The following CLIC2 variants were observed in gnomAD, a reference collection of about 807,000 sequenced individuals.
The protein encoded by CLIC2 is CLIC family member 2, also known as chloride intracellular channel protein 2.
A neutral mutation model predicts 14.8 loss-of-function variants in CLIC2; 9 were observed. The ratio of observed to expected loss-of-function variants is 0.61; its 90% CI spans 0.37 to 1.06. The LOEUF (loss-of-function observed/expected upper bound fraction) is 1.06, where lower values mean the gene tolerates loss of function less well. Ranked by LOEUF, CLIC2 falls within the 50% of genes least tolerant of loss-of-function variation. The pLI, the probability that CLIC2 is intolerant of heterozygous loss-of-function variation, is 0.01. For missense variants in CLIC2, 148 were observed against 181.4 expected, an observed-to-expected ratio of 0.82 and a Z score of 1.06; for synonymous variants, 61 against 66.3, an observed-to-expected ratio of 0.92 and a Z score of 0.39.
At chrX:155,322,135 A>G (rs2075117761) in intron 1 of CLIC2, among the ~76,000 whole-genome samples, 1 of 110,883 alleles carries the variant, frequency 9.0e-6, no homozygotes, top group Non-Finnish European at 1.9e-5. Flanking sequence ...CCCCACTGTC[A>G]ACATTAGATC....
intron 3 of CLIC2, among the ~76,000 whole-genome samples, chrX:155,282,681 A>G (rs1470951150): frequency 9.0e-6 from 1 of 110,947 alleles, no homozygotes; most frequent in African/African-American, 3.3e-5. Context: ...TTGCTTCAGG[A>G]CAGCCACTGT....
At chrX:155,316,011 GACAA>G (rs1203780392) in intron 1 of CLIC2, among the ~76,000 whole-genome samples, 2 of 111,350 alleles carry the variant, frequency 1.8e-5, no homozygotes, top group African/African-American at 6.5e-5. Context: ...AGTTAAAAAA[GACAA>G]ACAGAGACAT....
At chrX:155,298,940 G>C in intron 2 of CLIC2, 30 bp from the exon 3 acceptor site, 1 of 1,197,550 alleles carries the variant, frequency 8.4e-7, no homozygotes, top group Non-Finnish European at 1.1e-6. Context: ...GCAGAGTTAG[G>C]TCTCTAGATA....
chrX:155,305,148 C>G (rs2075047716), intron 1 of CLIC2, among the ~76,000 whole-genome samples: 1 of 112,455 alleles, frequency 8.9e-6, no homozygotes, highest in East Asian at 2.8e-4. Context: ...CCTAATCAAG[C>G]CTGGGCAATG....
chrX:155,291,240 GA>G, intron 3 of CLIC2: 1 of 959,904 alleles, frequency 1.0e-6, no homozygotes, highest in South Asian at 1.9e-5. Flanking sequence ...CCAGGAATCT[GA>G]AGGCTGACTA....
At chrX:155,310,442 T>C (rs2075069901) in intron 1 of CLIC2, 1 of 281,580 alleles carries the variant, frequency 3.6e-6, no homozygotes, top group Non-Finnish European at 7.0e-6. Context: ...CCTGGCCACT[T>C]GGTCCATCCT....
rs373277985 is a variant in CLIC2, at chrX:155,280,990, G to GATATATATATATAT, written c.294-936_294-923dup. Among the ~76,000 whole-genome samples the GATATATATATATAT allele has an allele frequency of 4.2e-3, 380 of 89,840 alleles. 3 individuals are homozygous for GATATATATATATAT. The highest frequency in any genetic ancestry group is 8.8e-3 in the African/African-American group (214 of 24,328). 78.0% of individuals were successfully genotyped at this position (89,840 alleles called of 115,157 possible). A position where few individuals can be genotyped will look rare whatever the true frequency, so the allele number is the denominator to read the frequency against. On this transcript the variant is annotated intron_variant, in intron 3 of 5. Coordinates refer to ENST00000369449, the MANE Select transcript of CLIC2 (RefSeq NM_001289.6). ...AGATGAATGGATATAGAAATTGTGAGATATATATATATATATATATATATG... is the reference window on the plus strand; with the variant it reads ...AGATGAATGGATATAGAAATTGTGAGATATATATATATATATATATATATATATATATATATATG...
chrX:155,297,884 A>AAAAAAAAAAAAAAAAAAAAAAAAAAAAAG lies in CLIC2; in HGVS notation c.293+900_293+901insCTTTTTTTTTTTTTTTTTTTTTTTTTTTT, dbSNP rs1557318527. 5.1e-4 allele frequency among the ~76,000 whole-genome samples: 23 copies of AAAAAAAAAAAAAAAAAAAAAAAAAAAAAG among 45,226 alleles called. 8 individuals carry two copies. Among genetic ancestry groups the AAAAAAAAAAAAAAAAAAAAAAAAAAAAAG allele is most frequent in the East Asian group, 9.4e-4 (1 of 1,062 alleles). The allele number at this position is 45,226 out of a possible 115,157, so 39.3% of individuals were successfully genotyped here. Reference sequence around the variant, plus strand: ...TCAAAAAAAAAAAAAAAAAAAAAAAAAAGAAGGTGAACCATCAGAGAGACA... The same window carrying AAAAAAAAAAAAAAAAAAAAAAAAAAAAAG: ...TCAAAAAAAAAAAAAAAAAAAAAAAAAAAAAAAAAAAAAAAAAAAAAAAAAAAAGAAGAAGGTGAACCATCAGAGAGACA... On this transcript the variant is annotated intron_variant, in intron 3 of 5. Coordinates refer to ENST00000369449, the MANE Select transcript of CLIC2 (RefSeq NM_001289.6).
intron 5 of CLIC2, 90 bp from the exon 6 acceptor site, chrX:155,278,154 G>A: frequency 1.3e-6 from 1 of 781,616 alleles, no homozygotes; most frequent in Non-Finnish European, 1.9e-6. Context: ...GATTATCAAA[G>A]GCATCTTATC....
chrX:155,288,866 C>T (rs1239157192), intron 3 of CLIC2, among the ~76,000 whole-genome samples: 10 of 110,955 alleles, frequency 9.0e-5, no homozygotes, highest in Non-Finnish European at 1.3e-4. Flanking sequence ...GTGCTTTGGC[C>T]GGGCGCAGTG....
chrX:155,301,501 A>G, intron 1 of CLIC2, among the ~76,000 whole-genome samples: 1 of 107,224 alleles, frequency 9.3e-6, no homozygotes, highest in South Asian at 4.3e-4. Context: ...GGTTTTCTAG[A>G]TCTACAATCA....
chrX:155,294,967 A>G (rs2074987408), intron 3 of CLIC2, among the ~76,000 whole-genome samples: 1 of 111,831 alleles, frequency 8.9e-6, no homozygotes, highest in Non-Finnish European at 1.9e-5. Context: ...AATTCTCCTG[A>G]AACTATTCTA....
chrX:155,299,919 T>C (rs1293553029), intron 1 of CLIC2, among the ~76,000 whole-genome samples: 4 of 110,565 alleles, frequency 3.6e-5, no homozygotes, highest in Non-Finnish European at 1.9e-5. Flanking sequence ...TCATTTTCTA[T>C]GGCTGCATAG....
chrX:155,315,868 G>A (rs1416123396), intron 1 of CLIC2, among the ~76,000 whole-genome samples: 3 of 111,609 alleles, frequency 2.7e-5, no homozygotes, highest in Non-Finnish European at 5.6e-5. Context: ...GCTGTCTTCA[G>A]GAGACTCACC....
Position 155,327,301 on chromosome X carries a change from C to T in CLIC2, c.57+7070G>A, listed in dbSNP as rs782063778. ...ATGTATTAAAAGTAATGGCAAAAAG[C>T]GCAATTAATTTTGTACCAACTTAAT... On this transcript the variant is annotated intron_variant, in intron 1 of 5. Transcript: ENST00000369449. Among the ~76,000 whole-genome samples the T allele has an allele frequency of 1.0e-4, 11 of 110,438 alleles. No homozygotes were observed. In the South Asian group the frequency reaches 3.7e-3, roughly 37 times the overall value.
intron 1 of CLIC2, among the ~76,000 whole-genome samples, chrX:155,309,031 T>C (rs1557320287): frequency 3.6e-5 from 4 of 112,257 alleles, no homozygotes; most frequent in African/African-American, 1.3e-4. Flanking sequence ...TGTAAACTAC[T>C]CTTAAGTAGA....
intron 3 of CLIC2, among the ~76,000 whole-genome samples, chrX:155,282,449 C>T (rs889066140): frequency 2.7e-5 from 3 of 111,369 alleles, no homozygotes; most frequent in Non-Finnish European, 5.7e-5. Context: ...GACCCAAACA[C>T]TGGGCCCAAC....
chrX:155,308,585 A>C (rs1557320246), intron 1 of CLIC2, among the ~76,000 whole-genome samples: 1 of 111,731 alleles, frequency 9.0e-6, no homozygotes, highest in South Asian at 3.8e-4. Context: ...AGTAGATTTA[A>C]CCCAAAAAAG....
Position 155,299,127 on chromosome X carries a change from T to G in CLIC2, c.76A>C (p.Ser26Arg). ...TGGCAAAAGGGACAGTTTCCAATAC[T>G]CTCTCCATCACTTCCAGCCTATTAA... ...LFVKAGSDGE[S>R]IGNCPFCQRL... The change falls in exon 2 of 6, where the codon AGT (serine) becomes CGT (arginine). Residue 26 changes from serine to arginine, a missense_variant. Transcript: ENST00000369449. The G allele has an allele frequency of 8.3e-7, 1 of 1,202,658 alleles. No individual in the cohort carries two copies. The highest frequency in any genetic ancestry group is 1.1e-6 in the Non-Finnish European group (1 of 887,574).
Sources: allele counts gnomAD v4.1 joint callset (sites outside exome capture counted in the v4.1 genomes callset), GRCh38; gene constraint gnomAD v4.1.1; transcripts MANE v1.5; gene names NCBI Gene and HGNC (gene_info 2026-07-23, HGNC 2026-07-21).